The following DEFB118 variants were observed in gnomAD, a reference collection of about 807,000 sequenced individuals.
DEFB118 encodes the protein defensin beta 118.
Under a neutral mutation model 2.8 loss-of-function variants are expected in DEFB118, and 3 were observed. That is an observed-to-expected ratio of 1.09 (90% CI 0.50 to 2.82). The LOEUF is 2.82. DEFB118 is among the 30% of genes most tolerant of loss of function. The pLI is 0.04. For synonymous variants in DEFB118, 63 were observed against 53.5 expected (o/e 1.18, Z -0.78); for missense variants, 159 against 144.6 (o/e 1.10, Z -0.51).
rs780182795 is a variant in DEFB118 at position 31,372,918 on chromosome 20, T to C, written c.120T>C (p.Asp40=). Residue 40 remains aspartate, a synonymous_variant, in exon 2 of 2, where the codon GAT becomes GAC. Transcript: ENST00000253381. The part of the protein sequence containing the change: ...RSGHCRKQCK[D]GEAVKDTCKN... ...GGCACTGCAGGAAACAATGCAAAGA[T>C]GGAGAAGCAGTGAAAGATACATGCA... 6.2e-7 allele frequency: 1 copy of C among 1,614,112 alleles called. No individual in the cohort carries two copies. Among genetic ancestry groups the C allele is most frequent in the Non-Finnish European group, 8.5e-7 (1 of 1,179,996 alleles).
intron 1 of DEFB118, among the ~76,000 whole-genome samples, chr20:31,371,853 C>A (rs1205355864): frequency 6.6e-6 from 1 of 152,028 alleles, no homozygotes; most frequent in African/African-American, 2.4e-5. Context: ...ACTCTTCCCC[C>A]TTCTGAGTCT....
In DEFB118 at chr20:31,373,463, A is replaced by C; in HGVS notation, c.*293A>C. ...CAATAGCTTAGTTAGCTATTCCAAC[A>C]ACAATTTCTTCATGTATCGTTCTGT... On this transcript the variant is annotated 3_prime_UTR_variant, in exon 2 of 2. Coordinates refer to ENST00000253381, the MANE Select transcript of DEFB118 (RefSeq NM_054112.3). The C allele has an allele frequency of 2.6e-6, 1 of 377,820 alleles. No homozygotes were observed. The highest frequency in any genetic ancestry group is 4.8e-6 in the Non-Finnish European group (1 of 209,148). 23.4% of individuals were successfully genotyped at this position (377,820 alleles called of 1,614,324 possible).
intron 1 of DEFB118, among the ~76,000 whole-genome samples, chr20:31,371,051 T>C (rs1986202390): frequency 6.6e-6 from 1 of 152,210 alleles, no homozygotes; most frequent in African/African-American, 2.4e-5. Context: ...CATCATCCTG[T>C]GATCAAAAGT....
At chr20:31,371,885 T>C (rs1986215936) in intron 1 of DEFB118, among the ~76,000 whole-genome samples, 1 of 152,114 alleles carries the variant, frequency 6.6e-6, no homozygotes, top group African/African-American at 2.4e-5. Flanking sequence ...TATACCACTC[T>C]GTACGCCCTT....
chr20:31,369,354 C>T (rs577901476), intron 1 of DEFB118, among the ~76,000 whole-genome samples: 1 of 150,402 alleles, frequency 6.6e-6, no homozygotes, highest in African/African-American at 2.4e-5. Context: ...GAAGTAAGCA[C>T]ACTCCCTGCA....
intron 1 of DEFB118, among the ~76,000 whole-genome samples, chr20:31,369,541 C>T (rs1986177446): frequency 6.6e-6 from 1 of 152,096 alleles, no homozygotes. Context: ...AGGCATGCAC[C>T]ATCATGTCCG....
At chr20:31,370,726 C>T (rs907392456) in intron 1 of DEFB118, among the ~76,000 whole-genome samples, 1 of 152,060 alleles carries the variant, frequency 6.6e-6, no homozygotes, top group African/African-American at 2.4e-5. Flanking sequence ...TATAAAATAA[C>T]CTCTTACTGT....
Position 31,373,382 on chromosome 20 carries a change from A to G in DEFB118, c.*212A>G. 1 of 565,712 alleles carries G rather than the reference A, an allele frequency of 1.8e-6. No individual in the cohort carries two copies. Among genetic ancestry groups the G allele is most frequent in the Non-Finnish European group, 3.1e-6 (1 of 321,156 alleles). The allele number at this position is 565,712 out of a possible 1,614,324, so 35.0% of individuals were successfully genotyped here. On this transcript the variant is annotated 3_prime_UTR_variant, in exon 2 of 2. Transcript: ENST00000253381. ...CTTGAAATGTCACATTATTTCCACA[A>G]CAAGTTATAACCTATTTTTAGTATT... is the stretch of plus-strand genomic sequence containing the variant.
intron 1 of DEFB118, among the ~76,000 whole-genome samples, chr20:31,370,173 A>G (rs1470936367): frequency 1.3e-5 from 2 of 152,208 alleles, no homozygotes; most frequent in East Asian, 3.9e-4. Context: ...GGCTCTTCCT[A>G]TGCTTGTGTT....
intron 1 of DEFB118, among the ~76,000 whole-genome samples, chr20:31,371,681 T>C (rs538427711): frequency 6.6e-6 from 1 of 152,280 alleles, no homozygotes; most frequent in African/African-American, 2.4e-5. Flanking sequence ...CTTTGGTTTA[T>C]AATTTTTTAT....
intron 1 of DEFB118, among the ~76,000 whole-genome samples, chr20:31,371,467 T>C (rs1173118670): frequency 2.0e-5 from 3 of 151,996 alleles, no homozygotes; most frequent in Admixed American, 6.6e-5. Flanking sequence ...TCTACTTTTT[T>C]TCTTTTTCTT....
chr20:31,370,935 G>C (rs927689511), intron 1 of DEFB118, among the ~76,000 whole-genome samples: 2 of 152,032 alleles, frequency 1.3e-5, no homozygotes, highest in Admixed American at 6.6e-5. Flanking sequence ...ATTTTTAGTA[G>C]AGATGGGGTT....
chr20:31,370,018 T>C (rs537363351), intron 1 of DEFB118, among the ~76,000 whole-genome samples: 5 of 152,280 alleles, frequency 3.3e-5, no homozygotes, highest in Admixed American at 3.3e-4. Flanking sequence ...TCTATTCCTC[T>C]GCCCTCATTG....
chr20:31,369,441 G>A (rs1314248689), intron 1 of DEFB118, among the ~76,000 whole-genome samples: 1 of 139,528 alleles, frequency 7.2e-6, no homozygotes, highest in Non-Finnish European at 1.5e-5. Context: ...CCAGGCTGGA[G>A]TGCAGTGGCG....
At chr20:31,369,892 T>C (rs1986184527) in intron 1 of DEFB118, among the ~76,000 whole-genome samples, 1 of 152,146 alleles carries the variant, frequency 6.6e-6, no homozygotes, top group Admixed American at 6.5e-5. Context: ...TATATTTACA[T>C]ATATGGATAT....
chr20:31,369,385 G>GTTTTTTTTTTTTTTTTT (rs71185357), intron 1 of DEFB118, among the ~76,000 whole-genome samples: 1 of 103,916 alleles, frequency 9.6e-6, no homozygotes, highest in African/African-American at 3.8e-5. Flanking sequence ...GCACTCTTGT[G>GTTTTTTTTTTTTTTTTT]TTTTTTTTTT....
chr20:31,369,629 A>G (rs564718369), intron 1 of DEFB118, among the ~76,000 whole-genome samples: 1 of 152,124 alleles, frequency 6.6e-6, no homozygotes, highest in Admixed American at 6.5e-5. Flanking sequence ...ACCTCGGGTG[A>G]TCCATCCGCC....
chr20:31,371,311 C>G (rs1273602471), intron 1 of DEFB118, among the ~76,000 whole-genome samples: 2 of 152,112 alleles, frequency 1.3e-5, no homozygotes, highest in Non-Finnish European at 2.9e-5. Flanking sequence ...CAAGGGAAGT[C>G]TTTCACTATT....
rs923165954 is a variant in DEFB118, at chr20:31,373,315, A to T, written c.*145A>T. The T allele has an allele frequency of 4.3e-6, 3 of 693,810 alleles. No homozygotes were observed. In the African/African-American group the frequency reaches 5.4e-5, roughly 12 times the overall value. The allele number at this position is 693,810 out of a possible 1,614,324, so 43.0% of individuals were successfully genotyped here. On this transcript the variant is annotated 3_prime_UTR_variant, in exon 2 of 2. Coordinates refer to ENST00000253381, the MANE Select transcript of DEFB118 (RefSeq NM_054112.3). ...TAGAAACAGCTGTGTAAAGAAGTCT[A>T]AAATTTTCACTATTTCCAATGATAA...
Sources: allele counts gnomAD v4.1 joint callset (sites outside exome capture counted in the v4.1 genomes callset), GRCh38; gene constraint gnomAD v4.1.1; transcripts MANE v1.5; gene names NCBI Gene and HGNC (gene_info 2026-07-23, HGNC 2026-07-21).